Variants in TTC28 observed in about 807,000 individuals in gnomAD.
The protein encoded by TTC28 is tetratricopeptide repeat domain 28, also known as tetratricopeptide repeat protein 28.
TTC28 carries 61 observed loss-of-function variants against 198.0 expected under a neutral mutation model. The observed-to-expected ratio is 0.31, with a 90% CI of 0.25 to 0.38. The LOEUF is 0.38. Among genes scored for constraint, TTC28 ranks in the 10% least tolerant of loss-of-function variants. TTC28 has a pLI of 1.00. For missense variants in TTC28, 2,678 were observed against 3,164.0 expected (o/e 0.85, Z 3.69); for synonymous variants, 1,171 against 1,297.8 (o/e 0.90, Z 2.10).
At chr22:28,673,149 C>A (rs908387063) in intron 1 of TTC28, among the ~76,000 whole-genome samples, 1 of 151,956 alleles carries the variant, frequency 6.6e-6, no homozygotes, top group Non-Finnish European at 1.5e-5. Context: ...CTGAGGCGGG[C>A]GGATCACGAG....
chr22:28,532,462 G>A (rs566399095), intron 2 of TTC28, among the ~76,000 whole-genome samples: 21 of 152,188 alleles, frequency 1.4e-4, no homozygotes, highest in African/African-American at 4.3e-4. Flanking sequence ...ATTCACAGCC[G>A]AATTCTACCA....
intron 2 of TTC28, among the ~76,000 whole-genome samples, chr22:28,358,648 T>C (rs1405680442): frequency 6.6e-6 from 1 of 152,234 alleles, no homozygotes; most frequent in Non-Finnish European, 1.5e-5. Context: ...CCTAAGCCAG[T>C]AATACCCTCG....
intron 2 of TTC28, among the ~76,000 whole-genome samples, chr22:28,597,411 T>C (rs2050559421): frequency 6.6e-6 from 1 of 152,168 alleles, no homozygotes. Flanking sequence ...AATCATAATA[T>C]TACATTGTAA....
intron 16 of TTC28, chr22:27,997,318 C>G (rs938799281): frequency 3.9e-5 from 6 of 152,232 alleles, no homozygotes; most frequent in African/African-American, 1.4e-4. Flanking sequence ...TATGAAGAAA[C>G]AGGAACAATT....
At chr22:28,567,919 C>T (rs1052784807) in intron 2 of TTC28, among the ~76,000 whole-genome samples, 1 of 151,766 alleles carries the variant, frequency 6.6e-6, no homozygotes, top group Non-Finnish European at 1.5e-5. Flanking sequence ...AAGACATTTA[C>T]AAAATACTCA....
intron 2 of TTC28, among the ~76,000 whole-genome samples, chr22:28,567,158 C>T (rs569631549): frequency 3.4e-5 from 5 of 145,784 alleles, no homozygotes; most frequent in East Asian, 2.0e-4. Context: ...GAGATTGCAG[C>T]GAGCCAAGAT....
chr22:27,988,617 C>T (rs999645124), intron 21 of TTC28, among the ~76,000 whole-genome samples: 4 of 152,204 alleles, frequency 2.6e-5, no homozygotes, highest in South Asian at 2.1e-4. Flanking sequence ...GATTCTCTGT[C>T]GGGCCATGTC....
chr22:28,105,828 A>AT (rs2034235107), intron 7 of TTC28, 26 bp from the exon 8 acceptor site: 10 of 1,525,600 alleles, frequency 6.6e-6, no homozygotes, highest in Non-Finnish European at 8.8e-6. Flanking sequence ...CAGAAAAGCA[A>AT]TGATATTATT....
At chr22:28,354,911 G>A (rs997789404) in intron 2 of TTC28, among the ~76,000 whole-genome samples, 5 of 151,562 alleles carry the variant, frequency 3.3e-5, no homozygotes, top group East Asian at 3.9e-4. Flanking sequence ...CCATGCTGGT[G>A]CGCTGCACCC....
intron 12 of TTC28, among the ~76,000 whole-genome samples, chr22:28,076,333 A>G (rs1219031251): frequency 6.6e-6 from 1 of 152,244 alleles, no homozygotes; most frequent in African/African-American, 2.4e-5. Flanking sequence ...ACTGCTTTAA[A>G]GAACAGATAG....
At chr22:28,490,330 C>G (rs1214364849) in intron 2 of TTC28, among the ~76,000 whole-genome samples, 1 of 152,094 alleles carries the variant, frequency 6.6e-6, no homozygotes, top group African/African-American at 2.4e-5. Context: ...TTCTTGATCT[C>G]ATTGCACCCC....
intron 5 of TTC28, among the ~76,000 whole-genome samples, chr22:28,203,460 G>T (rs2147158930): frequency 6.6e-6 from 1 of 152,150 alleles, no homozygotes; most frequent in East Asian, 1.9e-4. Context: ...TCTTACAATG[G>T]CCCTAAGGTC....
rs1252461246 is a variant in TTC28 at position 28,106,946 on chromosome 22, T to G, written c.2783+116A>C. On this transcript the variant is annotated intron_variant, in intron 7 of 22. Transcript: ENST00000397906. ...CAGTTGTTGGAGGAATCAGATGAGA[T>G]ATGTACGAAAATGTTTGTAGTTAAC... 5 of 1,293,106 alleles carry G rather than the reference T, an allele frequency of 3.9e-6. No individual in the cohort carries two copies. In the African/African-American group the frequency reaches 7.5e-5, roughly 19 times the overall value. The allele number at this position is 1,293,106 out of a possible 1,614,324, so 80.1% of individuals were successfully genotyped here.
intron 6 of TTC28, among the ~76,000 whole-genome samples, chr22:28,145,073 A>G (rs1488578036): frequency 2.6e-5 from 4 of 152,180 alleles, no homozygotes; most frequent in Admixed American, 2.6e-4. Context: ...TCACAGAAAA[A>G]TAATCTCCTT....
intron 2 of TTC28, among the ~76,000 whole-genome samples, chr22:28,330,143 G>A (rs2045592610): frequency 6.6e-6 from 1 of 152,140 alleles, no homozygotes. Flanking sequence ...TAGCATAGCA[G>A]TTCCTATATA....
At chr22:27,989,569 C>T (rs1000961657) in intron 21 of TTC28, among the ~76,000 whole-genome samples, 3 of 152,014 alleles carry the variant, frequency 2.0e-5, no homozygotes, top group Non-Finnish European at 2.9e-5. Context: ...CCTCAGTCCT[C>T]CTGAGTAACT....
chr22:28,037,765 A>C (rs1939427339), intron 12 of TTC28, among the ~76,000 whole-genome samples: 2 of 152,196 alleles, frequency 1.3e-5, no homozygotes, highest in African/African-American at 4.8e-5. Flanking sequence ...ATATCTAGAA[A>C]ACCCCATCGT....
At chr22:28,511,544 C>T (rs2048688704) in intron 2 of TTC28, among the ~76,000 whole-genome samples, 1 of 152,116 alleles carries the variant, frequency 6.6e-6, no homozygotes, top group African/African-American at 2.4e-5. Context: ...AAACCCAAAA[C>T]TATCCTGGCC....
intron 15 of TTC28, chr22:27,999,698 A>G (rs1937621340): frequency 6.1e-6 from 1 of 163,474 alleles, no homozygotes; most frequent in African/African-American, 2.4e-5. Context: ...AAGCAAGCCA[A>G]TCTTGGGGAG....
Sources: gnomAD v4.1 joint callset for allele counts (sites outside exome capture counted in the v4.1 genomes callset) on GRCh38, gnomAD v4.1.1 for gene constraint, MANE v1.5 for transcripts, NCBI Gene and HGNC (gene_info 2026-07-23, HGNC 2026-07-21) for gene names.